Variants in GLIS3 observed in about 807,000 individuals in gnomAD.
GLIS3 encodes zinc finger protein GLIS3.
Under a neutral mutation model 78.6 loss-of-function variants are expected in GLIS3, and 53 were observed. The ratio of observed to expected loss-of-function variants is 0.67; its 90% CI spans 0.54 to 0.85. GLIS3 has a LOEUF of 0.85. Among genes scored for constraint, GLIS3 ranks in the 40% least tolerant of loss-of-function variants. The pLI, the probability that GLIS3 is intolerant of heterozygous loss-of-function variation, is 0.00. For missense variants in GLIS3, 1,703 were observed against 1,231.1 expected (o/e 1.38, Z -5.74); for synonymous variants, 684 against 509.9 (o/e 1.34, Z -4.60).
the GLIS3 span, among the ~76,000 whole-genome samples, chr9:4,384,541 TTTATA>T: frequency 1.3e-5 from 2 of 150,126 alleles, no homozygotes; most frequent in East Asian, 1.9e-4. Context: ...ACTTCTTTCC[TTTATA>T]TAATATATAT....
At chr9:3,932,687 T>C (rs1825691028) in intron 5 of GLIS3, 1 of 503,508 alleles carries the variant, frequency 2.0e-6, no homozygotes, top group African/African-American at 1.9e-5. Flanking sequence ...AGATGCCCTA[T>C]CCTTGATGAT....
chr9:3,988,531 T>G (rs1819957667), intron 4 of GLIS3, among the ~76,000 whole-genome samples: 2 of 152,140 alleles, frequency 1.3e-5, no homozygotes, highest in Non-Finnish European at 2.9e-5. Flanking sequence ...GCTACAGTAA[T>G]CAAGACAATG....
intron 2 of GLIS3, among the ~76,000 whole-genome samples, chr9:4,319,662 T>C (rs1817492817): frequency 1.3e-5 from 2 of 152,140 alleles, no homozygotes. Flanking sequence ...CCCAGGTAGC[T>C]AGGACTATAG....
intron 4 of GLIS3, among the ~76,000 whole-genome samples, chr9:4,095,922 G>A (rs527683734): frequency 1.3e-5 from 2 of 149,844 alleles, no homozygotes; most frequent in Admixed American, 6.7e-5. Context: ...ACAAGTTACA[G>A]AGCAAGGAAT....
intron 2 of GLIS3, among the ~76,000 whole-genome samples, chr9:4,143,962 T>A (rs971378809): frequency 6.6e-6 from 1 of 152,228 alleles, no homozygotes; most frequent in South Asian, 2.1e-4. Context: ...GAAAAGAGAA[T>A]AGACGACGTC....
chr9:4,472,585 C>T, the GLIS3 span, among the ~76,000 whole-genome samples: 4 of 137,930 alleles, frequency 2.9e-5, no homozygotes, highest in East Asian at 2.2e-4. Flanking sequence ...GGGTGGGGAA[C>T]ATCATACACG....
chr9:4,169,894 G>A (rs546517642), intron 2 of GLIS3, among the ~76,000 whole-genome samples: 157 of 152,248 alleles, frequency 1.0e-3, no homozygotes, highest in African/African-American at 3.7e-3. Flanking sequence ...ATAAAGGATA[G>A]GAATATAATT....
chr9:3,981,548 C>T (rs772071091), intron 4 of GLIS3, among the ~76,000 whole-genome samples: 2 of 152,130 alleles, frequency 1.3e-5, no homozygotes, highest in African/African-American at 2.4e-5. Flanking sequence ...TCTGATGCAG[C>T]CAGTCCTAGA....
At chr9:4,289,366 G>A (rs1442648521) in intron 1 of GLIS3, among the ~76,000 whole-genome samples, 1 of 152,098 alleles carries the variant, frequency 6.6e-6, no homozygotes, top group African/African-American at 2.4e-5. Flanking sequence ...GGTAGACATG[G>A]AAGCAAAAAA....
At chr9:4,298,807 C>T (rs976258793) in intron 1 of GLIS3, among the ~76,000 whole-genome samples, 3 of 152,102 alleles carry the variant, frequency 2.0e-5, no homozygotes, top group African/African-American at 4.8e-5. Flanking sequence ...CCGGTACCCG[C>T]GAGGAGTGTA....
At chr9:4,471,949 T>C in the GLIS3 span, among the ~76,000 whole-genome samples, 1 of 152,170 alleles carries the variant, frequency 6.6e-6, no homozygotes, top group African/African-American at 2.4e-5. Context: ...GGGCAAAGGA[T>C]GTGAACAGAC....
At chr9:4,294,200 C>A (rs1587341528) in intron 1 of GLIS3, among the ~76,000 whole-genome samples, 1 of 152,144 alleles carries the variant, frequency 6.6e-6, no homozygotes, top group East Asian at 1.9e-4. Context: ...TGCTACTGTG[C>A]ATAGTTCATA....
the GLIS3 span, among the ~76,000 whole-genome samples, chr9:4,359,547 G>T: frequency 6.6e-6 from 1 of 152,178 alleles, no homozygotes; most frequent in Non-Finnish European, 1.5e-5. Flanking sequence ...AATAGCTTCT[G>T]ACTGTTGACA....
chr9:4,079,981 C>G (rs1375946551), intron 4 of GLIS3, among the ~76,000 whole-genome samples: 4 of 152,156 alleles, frequency 2.6e-5, no homozygotes, highest in Non-Finnish European at 2.9e-5. Flanking sequence ...ATACTCTCCT[C>G]CTTAAGGGTG....
At chr9:4,352,614 T>G (rs1193002019), upstream of GLIS3, among the ~76,000 whole-genome samples, 2 of 152,244 alleles carry the variant, frequency 1.3e-5, no homozygotes, top group Non-Finnish European at 2.9e-5. Flanking sequence ...GGTTTCTTCC[T>G]TTGGCCATCA....
chr9:4,010,864 T>G (rs1821947992), intron 4 of GLIS3, among the ~76,000 whole-genome samples: 1 of 152,188 alleles, frequency 6.6e-6, no homozygotes, highest in Non-Finnish European at 1.5e-5. Context: ...TGATGGAGGT[T>G]CCAAAGTCCT....
At chr9:4,003,950 T>TG (rs1821332150) in intron 4 of GLIS3, among the ~76,000 whole-genome samples, 1 of 152,214 alleles carries the variant, frequency 6.6e-6, no homozygotes, top group Admixed American at 6.5e-5. Context: ...CATTAGTACA[T>TG]TCCACTTACG....
chr9:4,474,219 G>C, the GLIS3 span, among the ~76,000 whole-genome samples: 2 of 152,322 alleles, frequency 1.3e-5, no homozygotes, highest in African/African-American at 2.4e-5. Flanking sequence ...TCAAGGCAGA[G>C]AGAATTAGTG....
intron 4 of GLIS3, among the ~76,000 whole-genome samples, chr9:4,006,682 CTAAGTT>C (rs1381138433): frequency 1.3e-5 from 2 of 152,122 alleles, no homozygotes; most frequent in African/African-American, 4.8e-5. Context: ...AAAGACTTGC[CTAAGTT>C]TATTTAACAG....
Sources: allele counts gnomAD v4.1 joint callset (sites outside exome capture counted in the v4.1 genomes callset), GRCh38; gene constraint gnomAD v4.1.1; transcripts MANE v1.5; gene names NCBI Gene and HGNC (gene_info 2026-07-23, HGNC 2026-07-21).